The following UBE2Q2 variants were observed in gnomAD, a reference collection of about 807,000 sequenced individuals.
UBE2Q2 encodes ubiquitin conjugating enzyme E2 Q2.
UBE2Q2 carries 54 observed loss-of-function variants against 59.9 expected under a neutral mutation model. That is an observed-to-expected ratio of 0.90 (90% CI 0.72 to 1.13). UBE2Q2 has a LOEUF of 1.13. Among genes scored for constraint, UBE2Q2 ranks in the 50% most tolerant of loss-of-function variants. The pLI, the probability that UBE2Q2 is intolerant of heterozygous loss-of-function variation, is 0.00. For synonymous variants in UBE2Q2, 165 were observed against 155.2 expected (o/e 1.06, Z -0.47); for missense variants, 433 against 441.9 (o/e 0.98, Z 0.18).
intron 4 of UBE2Q2, among the ~76,000 whole-genome samples, chr15:75,869,907 C>T (rs1897694031): frequency 6.6e-6 from 1 of 152,088 alleles, no homozygotes; most frequent in African/African-American, 2.4e-5. Flanking sequence ...TTTGTTTCTG[C>T]GTTGACCAAA....
At chr15:75,869,274 T>C (rs1450284113) in intron 4 of UBE2Q2, among the ~76,000 whole-genome samples, 4 of 152,242 alleles carry the variant, frequency 2.6e-5, no homozygotes, top group Non-Finnish European at 5.9e-5. Flanking sequence ...TTATGTTTAA[T>C]ACTAATCAGT....
Position 75,843,689 on chromosome 15 carries a change from C to T in UBE2Q2, c.23C>T (p.Ala8Val), listed in dbSNP as rs1204810405. Residue 8 changes from alanine to valine, a missense_variant, in exon 1 of 13, where the codon GCC (alanine) becomes GTC (valine). Coordinates refer to ENST00000267938, the MANE Select transcript of UBE2Q2 (RefSeq NM_173469.4). ...AAGATGTCCGTGTCAGGGCTCAAGG[C>T]CGAGCTGAAGTTCCTGGCGTCCATC... MSVSGLK[A>V]ELKFLASIFD... The T allele has an allele frequency of 3.7e-6, 6 of 1,610,642 alleles. No homozygotes were observed. The highest frequency in any genetic ancestry group is 3.4e-6 in the Non-Finnish European group (4 of 1,178,694).
At chr15:75,861,299 A>G (rs980670905) in intron 3 of UBE2Q2, among the ~76,000 whole-genome samples, 1 of 152,246 alleles carries the variant, frequency 6.6e-6, no homozygotes, top group Admixed American at 6.5e-5. Flanking sequence ...TTCAAAGTCT[A>G]TGCTGTTGTC....
chr15:75,844,509 T>C (rs2141517304), intron 1 of UBE2Q2: 11 of 1,550,142 alleles, frequency 7.1e-6, no homozygotes, highest in Non-Finnish European at 9.6e-6. Context: ...TGTATTCGTG[T>C]GGCCCCTCCC....
intron 1 of UBE2Q2, among the ~76,000 whole-genome samples, chr15:75,851,359 C>T (rs1422077339): frequency 6.6e-6 from 1 of 151,334 alleles, no homozygotes; most frequent in African/African-American, 2.4e-5. Flanking sequence ...GGATCTTTTA[C>T]CCTTGTATGA....
intron 3 of UBE2Q2, among the ~76,000 whole-genome samples, chr15:75,862,591 AG>A (rs1194751412): frequency 1.1e-4 from 17 of 151,300 alleles, no homozygotes; most frequent in Admixed American, 1.1e-3. Context: ...CTGAGGTGGG[AG>A]GATCACTTGA....
At chr15:75,868,909 A>G (rs368456689) in intron 3 of UBE2Q2, 42 bp from the exon 4 acceptor site, 2 of 1,596,218 alleles carry the variant, frequency 1.3e-6, no homozygotes, top group South Asian at 1.1e-5. Context: ...GCCTGTGCAT[A>G]TTTGTTCTGT....
intron 9 of UBE2Q2, among the ~76,000 whole-genome samples, 192 bp downstream of exon 9, chr15:75,883,616 T>C (rs867712357): frequency 6.6e-6 from 1 of 151,984 alleles, no homozygotes; most frequent in African/African-American, 2.4e-5. Context: ...ATTTTTTTTT[T>C]TTCTTCTAAA....
chr15:75,897,819 A>G (rs1176854329), intron 12 of UBE2Q2, among the ~76,000 whole-genome samples: 2 of 152,064 alleles, frequency 1.3e-5, no homozygotes, highest in Non-Finnish European at 2.9e-5. Flanking sequence ...TGTAGGCACA[A>G]GCCACCATGC....
At position 75,854,235 on chromosome 15, in the gene UBE2Q2, C is replaced by T. The variant is rs546143589; in HGVS notation, c.181-151C>T. On this transcript the variant is annotated intron_variant, in intron 1 of 12. Transcript: ENST00000267938. ...AAGGAGAATGGTTGTCTCAAAAGTC[C>T]AGCTCCTCACAAGGTTTTTAATATG... is the stretch of plus-strand genomic sequence containing the variant. 26 of 519,840 alleles carry T rather than the reference C, an allele frequency of 5.0e-5. No homozygotes were observed. In the South Asian group the frequency reaches 7.3e-4, roughly 15 times the overall value. 32.2% of individuals were successfully genotyped at this position (519,840 alleles called of 1,614,324 possible). A position where few individuals can be genotyped will look rare whatever the true frequency, so the allele number is the denominator to read the frequency against.
intron 12 of UBE2Q2, among the ~76,000 whole-genome samples, chr15:75,899,117 A>G (rs979865566): frequency 2.0e-5 from 3 of 150,826 alleles, no homozygotes; most frequent in African/African-American, 4.9e-5. Context: ...AAAAAAAAAA[A>G]AAAAAAAAAT....
chr15:75,888,749 T>C (rs1266666864), intron 9 of UBE2Q2, among the ~76,000 whole-genome samples: 1 of 152,224 alleles, frequency 6.6e-6, no homozygotes, highest in Non-Finnish European at 1.5e-5. Context: ...GAACTACTTG[T>C]CTTGTGTTCA....
intron 1 of UBE2Q2, 46 bp downstream of exon 1, chr15:75,843,892 A>T: frequency 6.7e-7 from 1 of 1,503,648 alleles, no homozygotes; most frequent in Non-Finnish European, 8.9e-7. Context: ...GAGGACGGAG[A>T]GGGGGCGCTT....
At chr15:75,844,347 A>G (rs1350355761) in intron 1 of UBE2Q2, 1 of 1,550,434 alleles carries the variant, frequency 6.4e-7, no homozygotes, top group South Asian at 1.2e-5. Flanking sequence ...TTAAGGAGAA[A>G]CTGACAATGA....
rs146276279 is a variant in UBE2Q2, at chr15:75,849,367, A to AG, written c.181-5019_181-5018insG. 2.4e-3 allele frequency among the ~76,000 whole-genome samples: 363 copies of AG among 152,354 alleles called. 3 individuals are homozygous for AG. The highest frequency in any genetic ancestry group is 8.3e-3 in the African/African-American group (347 of 41,586). On this transcript the variant is annotated intron_variant, in intron 1 of 12. Transcript: ENST00000267938. ...AAGTTTGTGCATCAGTTTTAAAAAA[A>AG]TGATGAAATCCCTGAAGATAGCTGT...
At chr15:75,849,632 A>G (rs1307770030) in intron 1 of UBE2Q2, among the ~76,000 whole-genome samples, 1 of 152,214 alleles carries the variant, frequency 6.6e-6, no homozygotes, top group Non-Finnish European at 1.5e-5. Context: ...TGGGGATGGT[A>G]GTGGTGATGA....
intron 7 of UBE2Q2, among the ~76,000 whole-genome samples, chr15:75,878,817 T>A (rs1394124): frequency 0.98 from 149,673 of 152,098 alleles, 73,684 homozygotes; most frequent in East Asian, 1. Context: ...AAAATTATAT[T>A]CATGTGACTA....
chr15:75,882,100 G>A (rs1463421826), intron 8 of UBE2Q2, among the ~76,000 whole-genome samples: 2 of 152,164 alleles, frequency 1.3e-5, no homozygotes, highest in African/African-American at 4.8e-5. Context: ...AAACTAGTAA[G>A]TCAAATTACA....
chr15:75,854,440 C>G lies in UBE2Q2; in HGVS notation c.235C>G (p.Leu79Val). Residue 79 changes from leucine (L) to valine (V), a missense_variant, in exon 2 of 13, where the codon CTG becomes GTG. Leu to Val is a conservative substitution (Grantham distance 32, BLOSUM62 1). Coordinates refer to ENST00000267938, the MANE Select transcript of UBE2Q2 (RefSeq NM_173469.4). ...GTTTGTGGATTCTGAAGACCCAAAT[C>G]TGACATCAGTTCTGGAACGTCTAGA... The part of the protein sequence containing the change: ...IWFVDSEDPN[L>V]TSVLERLEDT... 1 of 1,613,530 alleles carries G rather than the reference C, an allele frequency of 6.2e-7. No individual in the cohort carries two copies. Among genetic ancestry groups the G allele is most frequent in the East Asian group, 2.2e-5 (1 of 44,846 alleles).
Sources: gnomAD v4.1 joint callset for allele counts (sites outside exome capture counted in the v4.1 genomes callset) on GRCh38, gnomAD v4.1.1 for gene constraint, MANE v1.5 for transcripts, NCBI Gene and HGNC (gene_info 2026-07-23, HGNC 2026-07-21) for gene names.